The following FANCB variants were observed in gnomAD, a reference collection of about 807,000 sequenced individuals.
FANCB encodes Fanconi anemia group B protein.
Under a neutral mutation model 38.9 loss-of-function variants are expected in FANCB, and 5 were observed. The ratio of observed to expected loss-of-function variants is 0.13; its 90% CI spans 0.07 to 0.27. The LOEUF (loss-of-function observed/expected upper bound fraction) is 0.27. Among genes scored for constraint, FANCB ranks in the 10% least tolerant of loss-of-function variants. The probability of loss-of-function intolerance (pLI) is 1.00; values close to 1 mark genes in which losing one functional copy is unlikely to be tolerated. For missense variants in FANCB, 573 were observed against 602.7 expected (o/e 0.95, Z 0.52); for synonymous variants, 236 against 215.4 (o/e 1.10, Z -0.84).
At chrX:14,734,138 T>C in the FANCB span, among the ~76,000 whole-genome samples, 11 of 112,114 alleles carry the variant, frequency 9.8e-5, no homozygotes, top group Non-Finnish European at 2.1e-4. Context: ...TTAAAGTAAA[T>C]GGAGACCAGG....
chrX:14,795,264 G>C, the FANCB span, among the ~76,000 whole-genome samples: 1 of 106,942 alleles, frequency 9.4e-6, no homozygotes, highest in Non-Finnish European at 1.9e-5. Flanking sequence ...TACAAATTTT[G>C]GGGTAGACAC....
the FANCB span, among the ~76,000 whole-genome samples, chrX:14,742,758 C>G: frequency 8.9e-6 from 1 of 112,355 alleles, no homozygotes; most frequent in African/African-American, 3.2e-5. Flanking sequence ...TATCTAGAGA[C>G]AGTCTGGACA....
the FANCB span, among the ~76,000 whole-genome samples, chrX:14,807,942 C>T: frequency 9.0e-6 from 1 of 111,101 alleles, no homozygotes. Context: ...CAACCATATG[C>T]CAAAAACAAA....
At chrX:14,837,933 C>T (rs2092345413) in intron 10 of FANCB, among the ~76,000 whole-genome samples, 1 of 112,046 alleles carries the variant, frequency 8.9e-6, no homozygotes, top group African/African-American at 3.2e-5. Context: ...AACATCATTG[C>T]CTAATATAAC....
At chrX:14,703,448 T>G in the FANCB span, among the ~76,000 whole-genome samples, 1 of 112,086 alleles carries the variant, frequency 8.9e-6, no homozygotes, top group Non-Finnish European at 1.9e-5. Context: ...TCTCCATTTC[T>G]AAGAGTCATG....
the FANCB span, among the ~76,000 whole-genome samples, chrX:14,781,444 T>C: frequency 9.0e-6 from 1 of 110,858 alleles, no homozygotes; most frequent in Non-Finnish European, 1.9e-5. Context: ...AAAAAATAAA[T>C]AAATAATAAA....
Position 14,850,561 on chromosome X carries a change from A to G in FANCB, c.1440T>C (p.Tyr480=). ...DSEQLVEKIW[Y]RVIDDSLVVG... ...CAACCAAGCTATCATCTATTACACG[A>G]TACCATATCTTCTCTACTAGCTGTT... Residue 480 remains tyrosine (Y), a synonymous_variant, in exon 7 of 10, where the codon TAT becomes TAC. Coordinates refer to ENST00000650831, the MANE Select transcript of FANCB (RefSeq NM_001018113.3). The G allele has an allele frequency of 8.3e-6, 10 of 1,198,352 alleles. No homozygotes were observed. Among genetic ancestry groups the G allele is most frequent in the Non-Finnish European group, 1.1e-5 (10 of 883,415 alleles).
At chrX:14,816,037 G>T in the FANCB span, among the ~76,000 whole-genome samples, 9 of 111,444 alleles carry the variant, frequency 8.1e-5, no homozygotes, top group African/African-American at 2.6e-4. Flanking sequence ...GGTGAGCGAG[G>T]GATGAGAAAT....
the FANCB span, among the ~76,000 whole-genome samples, chrX:14,764,602 G>T: frequency 9.0e-6 from 1 of 111,057 alleles, no homozygotes; most frequent in Non-Finnish European, 1.9e-5. Context: ...TCAAGGGGAG[G>T]ATATTATACA....
intron 5 of FANCB, among the ~76,000 whole-genome samples, chrX:14,853,971 G>C (rs1355246189): frequency 8.9e-6 from 1 of 112,261 alleles, no homozygotes; most frequent in African/African-American, 3.2e-5. Context: ...TATTTTTCTA[G>C]ATTTATGCAA....
the FANCB span, among the ~76,000 whole-genome samples, chrX:14,774,853 G>C: frequency 9.5e-6 from 1 of 105,405 alleles, no homozygotes; most frequent in East Asian, 2.9e-4. Context: ...TTTATTTTGA[G>C]ATGGAGTCTT....
the FANCB span, among the ~76,000 whole-genome samples, chrX:14,741,860 T>A: frequency 1.1e-4 from 12 of 111,842 alleles, no homozygotes; most frequent in East Asian, 8.4e-4. Context: ...TAGATTTTTT[T>A]AAAAACGGGC....
At chrX:14,829,671 T>A in the FANCB span, among the ~76,000 whole-genome samples, 2 of 111,806 alleles carry the variant, frequency 1.8e-5, no homozygotes, top group Non-Finnish European at 3.8e-5. Flanking sequence ...ACCTTTTCTA[T>A]CTTCCAGCTT....
At chrX:14,770,762 T>C in the FANCB span, among the ~76,000 whole-genome samples, 1 of 112,347 alleles carries the variant, frequency 8.9e-6, no homozygotes, top group Non-Finnish European at 1.9e-5. Context: ...GTTTTTGTAG[T>C]GACTGATAAT....
the FANCB span, among the ~76,000 whole-genome samples, chrX:14,795,328 C>T: frequency 2.4e-3 from 264 of 112,329 alleles, 2 homozygotes; most frequent in African/African-American, 7.8e-3. Context: ...AAAATTAATG[C>T]ATTCACTCAT....
chrX:14,740,560 A>G, the FANCB span, among the ~76,000 whole-genome samples: 2 of 112,168 alleles, frequency 1.8e-5, no homozygotes, highest in African/African-American at 6.5e-5. Flanking sequence ...GTAGTAAATG[A>G]TTTAGGCTTC....
chrX:14,865,404 T>A lies in FANCB; in HGVS notation c.107A>T (p.Glu36Val), dbSNP rs1355695381. 8.3e-7 allele frequency: 1 copy of A among 1,207,093 alleles called. No homozygotes were observed. The highest frequency in any genetic ancestry group is 1.8e-5 in the South Asian group (1 of 56,828). Residue 36 changes from glutamate (E) to valine (V), a missense_variant, in exon 3 of 10, where the codon GAG becomes GTG. By Grantham distance (121) the Glu-to-Val change is moderately radical. Coordinates refer to ENST00000650831, the MANE Select transcript of FANCB (RefSeq NM_001018113.3). ...QLSKGNFADKEPTKTPILHVR... is the reference protein window; with the variant it reads ...QLSKGNFADKVPTKTPILHVR... ...ATGTAATATGGGTGTTTTTGTAGGC[T>A]CTTTATCTGCAAAATTTCCTTTAGA...
the FANCB span, among the ~76,000 whole-genome samples, chrX:14,742,921 A>G: frequency 8.8e-6 from 1 of 113,213 alleles, no homozygotes; most frequent in Non-Finnish European, 1.9e-5. Flanking sequence ...ATGTAGCGCC[A>G]GTATAGTTTA....
chrX:14,691,458 A>C, the FANCB span, among the ~76,000 whole-genome samples: 1 of 111,752 alleles, frequency 8.9e-6, no homozygotes, highest in South Asian at 3.7e-4. Flanking sequence ...CATTATCTCA[A>C]CTTAAACTTT....
Sources: allele counts gnomAD v4.1 joint callset (sites outside exome capture counted in the v4.1 genomes callset), GRCh38; gene constraint gnomAD v4.1.1; transcripts MANE v1.5; gene names NCBI Gene and HGNC (gene_info 2026-07-23, HGNC 2026-07-21).